NAV3: variants seen among roughly 807,000 people sequenced by gnomAD.
NAV3 encodes neuron navigator 3, also known as pore membrane and/or filament interacting like protein 1.
A neutral mutation model predicts 244.7 loss-of-function variants in NAV3; 87 were observed. That is an observed-to-expected ratio of 0.36 (90% CI 0.30 to 0.42). NAV3 has a LOEUF of 0.42. Ranked by LOEUF, NAV3 falls within the 20% of genes least tolerant of loss-of-function variation. The probability of loss-of-function intolerance (pLI) is 1.00; values close to 1 mark genes in which losing one functional copy is unlikely to be tolerated. For synonymous variants in NAV3, 1,126 were observed against 1,042.2 expected (o/e 1.08, Z -1.55); for missense variants, 2,663 against 2,893.3 (o/e 0.92, Z 1.83).
chr12:78,127,686 T>C (rs1048794416), intron 17 of NAV3, among the ~76,000 whole-genome samples: 41 of 152,288 alleles, frequency 2.7e-4, no homozygotes, highest in African/African-American at 9.9e-4. Flanking sequence ...TGAAGGATGC[T>C]ACAATCTGAA....
At position 78,049,599 on chromosome 12, in the gene NAV3, A is replaced by C. The variant is rs145503138; in HGVS notation, c.2024-394A>C. 3.1e-4 allele frequency among the ~76,000 whole-genome samples: 47 copies of C among 152,156 alleles called. No homozygotes were observed. The East Asian group carries it at 8.7e-3, about 28-fold the overall frequency. On this transcript the variant is annotated intron_variant, in intron 9 of 39. Coordinates refer to ENST00000397909, the MANE Select transcript of NAV3 (RefSeq NM_001024383.2). ...TACCTCAGTTGGAAATGCAGAAATC[A>C]CCTGCCTTCTGTGTTGATCTCACTG... is the stretch of plus-strand genomic sequence containing the variant.
rs190822647 is a variant in NAV3 at position 77,652,920 on chromosome 12, A to C, written c.72+80654A>C. Among the ~76,000 whole-genome samples, 382 of 152,310 alleles carry C rather than the reference A, an allele frequency of 2.5e-3. 2 individuals are homozygous for C. Among genetic ancestry groups the C allele is most frequent in the African/African-American group, 8.7e-3 (363 of 41,562 alleles). Reference sequence around the variant, plus strand: ...TATGTCTGTTTTTCTGTTATAAAAGAGTTATTGATTTTATACAGGGAATTT... The same window carrying C: ...TATGTCTGTTTTTCTGTTATAAAAGCGTTATTGATTTTATACAGGGAATTT... On this transcript the variant is annotated intron_variant, in intron 2 of 8. Transcript: ENST00000550042.
intron 2 of NAV3, chr12:77,572,392 T>C (rs771591375): frequency 6.6e-6 from 1 of 152,324 alleles, no homozygotes; most frequent in Non-Finnish European, 1.5e-5. Flanking sequence ...CCCTGCTGTA[T>C]GGCAATGTGT....
At chr12:77,842,780 A>G (rs1875912005) in intron 1 of NAV3, among the ~76,000 whole-genome samples, 1 of 152,128 alleles carries the variant, frequency 6.6e-6, no homozygotes, top group Non-Finnish European at 1.5e-5. Flanking sequence ...AAAGAATATT[A>G]CACCGAACAA....
At position 78,006,667 on chromosome 12, in the gene NAV3, G is replaced by T. The variant is rs757451436; in HGVS notation, c.1129G>T (p.Ala377Ser). ...ACCTGTCTCAGAAGGGGTCAAAACTGCTCCCTCAGGACAGAAATCCATGCT... is the reference window on the plus strand; with the variant it reads ...ACCTGTCTCAGAAGGGGTCAAAACTTCTCCCTCAGGACAGAAATCCATGCT... ...KPPVSEGVKT[A>S]PSGQKSMLEK... Residue 377 changes from alanine (A) to serine (S), a missense_variant, in exon 8 of 40, where the codon GCT (alanine) becomes TCT (serine). Coordinates refer to ENST00000397909, the MANE Select transcript of NAV3 (RefSeq NM_001024383.2). 1.2e-6 allele frequency: 2 copies of T among 1,613,962 alleles called. No homozygotes were observed. Among genetic ancestry groups the T allele is most frequent in the Non-Finnish European group, 8.5e-7 (1 of 1,180,028 alleles).
At chr12:77,654,952 C>T (rs950888529) in intron 2 of NAV3, among the ~76,000 whole-genome samples, 2,130 of 152,070 alleles carry the variant, frequency 0.014, 60 homozygotes, top group African/African-American at 0.048. Flanking sequence ...ACCAAAAACC[C>T]ATCTGTACAT....
At chr12:78,043,617 C>T (rs528526918) in intron 9 of NAV3, among the ~76,000 whole-genome samples, 3 of 152,090 alleles carry the variant, frequency 2.0e-5, no homozygotes, top group East Asian at 3.9e-4. Context: ...TTTTAATGAT[C>T]GCCATTCTAA....
At chr12:77,763,304 G>T (rs1869580952) in intron 2 of NAV3, among the ~76,000 whole-genome samples, 2 of 152,168 alleles carry the variant, frequency 1.3e-5, no homozygotes, top group African/African-American at 4.8e-5. Flanking sequence ...GATCTTTAAA[G>T]GCCTCTGAGG....
chr12:77,896,901 T>A (rs1592931009), intron 1 of NAV3, among the ~76,000 whole-genome samples: 1 of 152,202 alleles, frequency 6.6e-6, no homozygotes, highest in East Asian at 1.9e-4. Context: ...GGTCATGGCC[T>A]GTGGGAGGTA....
At chr12:77,620,536 C>T (rs1172289628) in intron 2 of NAV3, among the ~76,000 whole-genome samples, 3 of 151,936 alleles carry the variant, frequency 2.0e-5, no homozygotes, top group Non-Finnish European at 2.9e-5. Context: ...GATCTCGGCT[C>T]ACTGCAATCT....
intron 11 of NAV3, among the ~76,000 whole-genome samples, chr12:78,053,047 C>T (rs973606350): frequency 4.6e-5 from 7 of 151,686 alleles, no homozygotes; most frequent in African/African-American, 1.7e-4. Context: ...GGCAAAAACC[C>T]ATCTCTACTA....
intron 2 of NAV3, among the ~76,000 whole-genome samples, chr12:77,659,124 T>C (rs1873291065): frequency 6.6e-6 from 1 of 151,448 alleles, no homozygotes. Flanking sequence ...CTAATTAAAC[T>C]AAAGAGCTTC....
intron 18 of NAV3, 97 bp downstream of exon 18, chr12:78,128,963 T>A (rs1477041536): frequency 8.6e-7 from 1 of 1,167,358 alleles, no homozygotes; most frequent in Non-Finnish European, 1.2e-6. Flanking sequence ...CGTTTTCATT[T>A]AAAGGGAGGG....
intron 8 of NAV3, among the ~76,000 whole-genome samples, chr12:78,018,385 C>A (rs1876590851): frequency 6.6e-6 from 1 of 152,162 alleles, no homozygotes; most frequent in African/African-American, 2.4e-5. Context: ...AGCTGTAAGT[C>A]AGCTTCTGAA....
intron 12 of NAV3, among the ~76,000 whole-genome samples, chr12:78,099,114 C>G (rs1362401246): frequency 6.6e-6 from 1 of 151,486 alleles, no homozygotes; most frequent in Admixed American, 6.6e-5. Context: ...TACAATAATT[C>G]TAAACATAAT....
At position 78,181,057 on chromosome 12, in the gene NAV3, C is replaced by T. The variant is rs1958476677; in HGVS notation, c.5692+12C>T. On this transcript the variant is annotated intron_variant, in intron 30 of 39. Coordinates refer to ENST00000397909, the MANE Select transcript of NAV3 (RefSeq NM_001024383.2). ...GGCTGTTAGCTCAGGTGATTTAGTG[C>T]ACATGCTTGCCTGAATCACAGCATA... The T allele has an allele frequency of 5.6e-6, 9 of 1,611,622 alleles. No individual in the cohort carries two copies. Among genetic ancestry groups the T allele is most frequent in the Non-Finnish European group, 7.6e-6 (9 of 1,178,386 alleles).
intron 2 of NAV3, among the ~76,000 whole-genome samples, chr12:77,739,518 A>C (rs1254572139): frequency 1.3e-5 from 2 of 152,162 alleles, no homozygotes; most frequent in Non-Finnish European, 1.5e-5. Context: ...ATTAACATTC[A>C]TTGACTCTGA....
chr12:77,697,096 A>G (rs1434238074), intron 2 of NAV3, among the ~76,000 whole-genome samples: 1 of 152,096 alleles, frequency 6.6e-6, no homozygotes, highest in Non-Finnish European at 1.5e-5. Flanking sequence ...ACATCTTGGT[A>G]TCCTGTGTAA....
intron 23 of NAV3, among the ~76,000 whole-genome samples, chr12:78,160,606 G>T (rs1957502335): frequency 6.6e-6 from 1 of 152,020 alleles, no homozygotes; most frequent in East Asian, 1.9e-4. Flanking sequence ...TACAAAAGTA[G>T]TATGTATTAC....
Sources: gnomAD v4.1 joint callset for allele counts (sites outside exome capture counted in the v4.1 genomes callset) on GRCh38, gnomAD v4.1.1 for gene constraint, MANE v1.5 for transcripts, NCBI Gene and HGNC (gene_info 2026-07-23, HGNC 2026-07-21) for gene names.